Variants in CHST1 observed in about 807,000 individuals in gnomAD.
CHST1 encodes carbohydrate sulfotransferase 1.
Under a neutral mutation model 22.5 loss-of-function variants are expected in CHST1, and 10 were observed. That is an observed-to-expected ratio of 0.44 (90% CI 0.27 to 0.75). CHST1 has a LOEUF of 0.75. Ranked by LOEUF, CHST1 falls within the 30% of genes least tolerant of loss-of-function variation. The pLI, the probability that CHST1 is intolerant of heterozygous loss-of-function variation, is 0.15. For synonymous variants in CHST1, 267 were observed against 264.5 expected, an observed-to-expected ratio of 1.01 and a Z score of -0.09; for missense variants, 439 against 576.1, an observed-to-expected ratio of 0.76 and a Z score of 2.44.
At chr11:45,655,444 C>T (rs1224203090) in intron 1 of CHST1, among the ~76,000 whole-genome samples, 2 of 152,242 alleles carry the variant, frequency 1.3e-5, no homozygotes, top group African/African-American at 2.4e-5. Context: ...CTAGTGACCA[C>T]ATCCTGCGGT....
rs140241869 is a variant in CHST1 at position 45,648,266 on chromosome 11, A to T, written c.*1422T>A. 1.3e-5 allele frequency among the ~76,000 whole-genome samples: 2 copies of T among 152,192 alleles called. No individual in the cohort carries two copies. The highest frequency in any genetic ancestry group is 3.9e-4 in the East Asian group (2 of 5,180). On this transcript the variant is annotated 3_prime_UTR_variant, in exon 4 of 4. Coordinates refer to ENST00000308064, the MANE Select transcript of CHST1 (RefSeq NM_003654.6). ...CAACTAAATGGGTAACATTTAGCAC[A>T]AGAAGGGATTCCAGGATGTCATTCT...
chr11:45,658,779 G>T (rs1379345481), intron 1 of CHST1, among the ~76,000 whole-genome samples: 3 of 152,226 alleles, frequency 2.0e-5, no homozygotes, highest in African/African-American at 7.2e-5. Flanking sequence ...GGGCGGAAAA[G>T]CCCCGGTTTC....
intron 1 of CHST1, among the ~76,000 whole-genome samples, chr11:45,664,747 C>T (rs767515197): frequency 5.8e-4 from 89 of 152,186 alleles, no homozygotes; most frequent in Non-Finnish European, 1.0e-3. Context: ...GGAGCGGCGC[C>T]CCCGCCTCCG....
In CHST1 at chr11:45,650,514, T is replaced by A. The variant is rs773387505; in HGVS notation, c.410A>T (p.Asn137Ile). ...LYDCDLYFLENYIKPPPVNHT... is the reference protein window; with the variant it reads ...LYDCDLYFLEIYIKPPPVNHT... ...GTTGACCGGCGGCGGCTTGATGTAGTTCTCCAGGAAGTAGAGGTCGCAGTC... is the reference window on the plus strand; with the variant it reads ...GTTGACCGGCGGCGGCTTGATGTAGATCTCCAGGAAGTAGAGGTCGCAGTC... Residue 137 changes from asparagine (N) to isoleucine (I), a missense_variant, in exon 4 of 4, where the codon AAC (asparagine) becomes ATC (isoleucine). By Grantham distance (149) the Asn-to-Ile change is moderately radical. Transcript: ENST00000308064. 2.5e-6 allele frequency: 4 copies of A among 1,613,744 alleles called. No homozygotes were observed. In the South Asian group the frequency reaches 4.4e-5, roughly 18 times the overall value.
At chr11:45,660,604 G>C (rs939880967) in intron 1 of CHST1, among the ~76,000 whole-genome samples, 1 of 152,204 alleles carries the variant, frequency 6.6e-6, no homozygotes, top group African/African-American at 2.4e-5. Flanking sequence ...ATATAAAGCT[G>C]TTAGCATAGT....
rs12273164 is a variant in CHST1 at position 45,649,685 on chromosome 11, G to A, written c.*3C>T. On this transcript the variant is annotated 3_prime_UTR_variant, in exon 4 of 4. Transcript: ENST00000308064. ...CCTCCCGCCCCCACCCGCACCGCCC[G>A]GGTCACGAGAAGGGGCGGAAGTCCC... 9,213 of 1,554,428 alleles carry A rather than the reference G, an allele frequency of 5.9e-3. 488 individuals are homozygous for A. In the African/African-American group the frequency reaches 0.11, roughly 19 times the overall value.
intron 1 of CHST1, among the ~76,000 whole-genome samples, chr11:45,662,784 T>C (rs888883182): frequency 1.3e-5 from 2 of 152,014 alleles, no homozygotes; most frequent in African/African-American, 2.4e-5. Context: ...AGCCAGAAGG[T>C]CCGTGGGAGA....
chr11:45,655,302 A>G (rs1243090484), intron 1 of CHST1, among the ~76,000 whole-genome samples: 1 of 152,226 alleles, frequency 6.6e-6, no homozygotes, highest in Admixed American at 6.5e-5. Flanking sequence ...TTGTCTCAGG[A>G]AAGGGCCTAG....
In CHST1 at chr11:45,650,214, C is replaced by CG; in HGVS notation, c.709dup (p.Arg237ProfsTer192). ...CTCGCTGCGCGAAGCCAGAATGCCG[C>CG]GGGGGTCTCGGACCAGCTGGATGAC... On this transcript the variant is annotated frameshift_variant, in exon 4 of 4. Transcript: ENST00000308064. LOFTEE classifies it high-confidence loss of function. The CG allele has an allele frequency of 1.2e-6, 2 of 1,610,398 alleles. No individual in the cohort carries two copies. Among genetic ancestry groups the CG allele is most frequent in the Non-Finnish European group, 1.7e-6 (2 of 1,179,942 alleles).
intron 1 of CHST1, among the ~76,000 whole-genome samples, chr11:45,657,715 C>T (rs974709963): frequency 3.9e-5 from 6 of 152,222 alleles, no homozygotes; most frequent in African/African-American, 1.4e-4. Flanking sequence ...GGTCCAGACT[C>T]GGCCTCTGTG....
chr11:45,652,713 T>C (rs1852013079), intron 1 of CHST1, 107 bp from the exon 2 acceptor site: 1 of 152,296 alleles, frequency 6.6e-6, no homozygotes, highest in Non-Finnish European at 1.5e-5. Flanking sequence ...GTTGACAGTT[T>C]TGCGCCAAGC....
Position 45,650,449 on chromosome 11 carries a change from C to G in CHST1, c.475G>C (p.Val159Leu), listed in dbSNP as rs946310136. ...TCGCACACAGGCCGGGAGCAGAGGA[C>G]CCGGCTGGCCCCGCGGCGGAAGATC... is the stretch of plus-strand genomic sequence containing the variant. ...DRIFRRGASRVLCSRPVCDPP... is the reference protein window; with the variant it reads ...DRIFRRGASRLLCSRPVCDPP... The change falls in exon 4 of 4, where the codon GTC becomes CTC. Residue 159 changes from valine to leucine, a missense_variant. Transcript: ENST00000308064. The G allele has an allele frequency of 1.9e-6, 3 of 1,611,488 alleles. No homozygotes were observed. Among genetic ancestry groups the G allele is most frequent in the Non-Finnish European group, 2.5e-6 (3 of 1,179,842 alleles).
Position 45,649,540 on chromosome 11 carries a change from G to A in CHST1, c.*148C>T. 1 of 838,146 alleles carries A rather than the reference G, an allele frequency of 1.2e-6. No individual in the cohort carries two copies. The highest frequency in any genetic ancestry group is 1.8e-6 in the Non-Finnish European group (1 of 542,718). The allele number at this position is 838,146 out of a possible 1,614,324, so 51.9% of individuals were successfully genotyped here. A position where few individuals can be genotyped will look rare whatever the true frequency, so the allele number is the denominator to read the frequency against. On this transcript the variant is annotated 3_prime_UTR_variant, in exon 4 of 4. Transcript: ENST00000308064. The stretch of plus-strand genomic sequence containing the variant: ...TAGTGCAAATTTCAGAGACAAAAAA[G>A]GGGCAGAAGGGAGTGGGGTGAGCTG...
chr11:45,659,250 G>A (rs1400438970), intron 1 of CHST1, among the ~76,000 whole-genome samples: 5 of 152,100 alleles, frequency 3.3e-5, no homozygotes, highest in Non-Finnish European at 7.4e-5. Flanking sequence ...CTGTGGTGGC[G>A]CTAGGATTCA....
Position 45,665,368 on chromosome 11 carries a change from G to C in CHST1, c.-417C>G, listed in dbSNP as rs1196283074. The C allele has an allele frequency of 1.3e-5, 2 of 151,206 alleles. No homozygotes were observed. The highest frequency in any genetic ancestry group is 4.9e-5 in the African/African-American group (2 of 41,198). The allele number at this position is 151,206 out of a possible 1,614,324, so 9.4% of individuals were successfully genotyped here. ...TCCTCCGACTCCGCGCGCGCCTCAC[G>C]GGCCCCTCTTCATGGCCCGGGGGCG... is the stretch of plus-strand genomic sequence containing the variant. On this transcript the variant is annotated 5_prime_UTR_variant, in exon 1 of 4. Coordinates refer to ENST00000308064, the MANE Select transcript of CHST1 (RefSeq NM_003654.6). The surrounding 1 kb of genome is among the most constrained non-coding windows in gnomAD (Gnocchi z 4.0).
intron 1 of CHST1, among the ~76,000 whole-genome samples, chr11:45,660,611 T>C (rs542180386): frequency 6.6e-6 from 1 of 152,320 alleles, no homozygotes; most frequent in South Asian, 2.1e-4. Flanking sequence ...GCTGTTAGCA[T>C]AGTGACTGGC....
chr11:45,663,615 C>T (rs1339327827), intron 1 of CHST1, among the ~76,000 whole-genome samples: 2 of 152,138 alleles, frequency 1.3e-5, no homozygotes, highest in Admixed American at 6.5e-5. Context: ...ATTTTGAAGA[C>T]CCAGCAGAGT....
chr11:45,653,107 A>C (rs760508519), intron 1 of CHST1, among the ~76,000 whole-genome samples: 23 of 152,120 alleles, frequency 1.5e-4, no homozygotes, highest in Non-Finnish European at 3.1e-4. Flanking sequence ...GTGCTTTGTG[A>C]AGATTCTTCC....
Position 45,649,920 on chromosome 11 carries a change from T to C in CHST1, c.1004A>G (p.Asn335Ser). ...GCCCAGGGTGGGGTCGCCCCGCGTG[T>C]TGTTCTGGATCCAGCGGGCCACGTG... ...DSHVARWIQN[N>S]TRGDPTLGKH... The change falls in exon 4 of 4, where the codon AAC (asparagine) becomes AGC (serine). Residue 335 changes from asparagine to serine, a missense_variant. Asn to Ser is a conservative substitution (Grantham distance 46). Coordinates refer to ENST00000308064, the MANE Select transcript of CHST1 (RefSeq NM_003654.6). 2 of 1,612,852 alleles carry C rather than the reference T, an allele frequency of 1.2e-6. No individual in the cohort carries two copies. Among genetic ancestry groups the C allele is most frequent in the East Asian group, 2.2e-5 (1 of 44,864 alleles).
Sources: gnomAD v4.1 joint callset for allele counts (sites outside exome capture counted in the v4.1 genomes callset) on GRCh38, gnomAD v4.1.1 for gene constraint, Gnocchi (gnomAD v3.1) non-coding constraint, MANE v1.5 for transcripts, NCBI Gene and HGNC (gene_info 2026-07-23, HGNC 2026-07-21) for gene names.